LSAMP: variants seen among roughly 807,000 people sequenced by gnomAD.
The protein encoded by LSAMP is limbic system-associated membrane protein.
A neutral mutation model predicts 38.6 loss-of-function variants in LSAMP; 7 were observed. The ratio of observed to expected loss-of-function variants is 0.18; its 90% CI spans 0.10 to 0.34. LSAMP has a LOEUF of 0.34. Among genes scored for constraint, LSAMP ranks in the 10% least tolerant of loss-of-function variants. The pLI, the probability that LSAMP is intolerant of heterozygous loss-of-function variation, is 1.00. For synonymous variants in LSAMP, 154 were observed against 166.8 expected (o/e 0.92, Z 0.59); for missense variants, 313 against 420.0 (o/e 0.75, Z 2.23).
intron 3 of LSAMP, among the ~76,000 whole-genome samples, chr3:115,907,387 C>T (rs1273513196): frequency 6.6e-6 from 1 of 151,528 alleles, no homozygotes; most frequent in Non-Finnish European, 1.5e-5. Flanking sequence ...CTTGTTTGCC[C>T]CATTCCACAA....
chr3:116,242,148 A>G (rs1280850954), intron 1 of LSAMP, among the ~76,000 whole-genome samples: 1 of 152,232 alleles, frequency 6.6e-6, no homozygotes, highest in Non-Finnish European at 1.5e-5. Flanking sequence ...AAAAGAATGA[A>G]GAGTAAAATA....
At chr3:115,957,132 A>T in intron 3 of LSAMP, among the ~76,000 whole-genome samples, 1 of 152,202 alleles carries the variant, frequency 6.6e-6, no homozygotes, top group East Asian at 1.9e-4. Context: ...TGAATAATTT[A>T]TGTAGTAAAG....
At chr3:116,024,811 T>C (rs1940741901) in intron 2 of LSAMP, among the ~76,000 whole-genome samples, 1 of 150,908 alleles carries the variant, frequency 6.6e-6, no homozygotes, top group African/African-American at 2.4e-5. Context: ...ATTATCATTA[T>C]CATTATTACT....
intron 1 of LSAMP, among the ~76,000 whole-genome samples, chr3:116,319,519 C>T (rs910193415): frequency 6.6e-6 from 1 of 152,260 alleles, no homozygotes; most frequent in Admixed American, 6.5e-5. Flanking sequence ...ATACATCAAA[C>T]ACAAACATGA....
At chr3:115,948,124 A>G (rs1938162626) in intron 3 of LSAMP, among the ~76,000 whole-genome samples, 3 of 152,224 alleles carry the variant, frequency 2.0e-5, no homozygotes, top group Non-Finnish European at 4.4e-5. Flanking sequence ...TAAGGTCTAA[A>G]TAATATACAT....
intron 3 of LSAMP, among the ~76,000 whole-genome samples, chr3:115,987,146 GT>G (rs775685866): frequency 2.6e-5 from 4 of 152,146 alleles, no homozygotes; most frequent in Non-Finnish European, 5.9e-5. Context: ...GAAAAAAAAT[GT>G]TTTGTATTTA....
intron 6 of LSAMP, among the ~76,000 whole-genome samples, chr3:115,826,896 A>C (rs1207934052): frequency 6.6e-6 from 1 of 151,640 alleles, no homozygotes; most frequent in Non-Finnish European, 1.5e-5. Flanking sequence ...TTTACGAGTT[A>C]GAATGGGAAG....
chr3:116,076,258 C>CT lies in LSAMP; in HGVS notation c.388+10065dup, dbSNP rs926586167. ...GTCTTTCTTCCCAATAAAATAATAA[C>CT]TTTTTTTTTTTTAATTTGAGACGGA... On this transcript the variant is annotated intron_variant, in intron 2 of 6. Transcript: ENST00000490035. 6.4e-4 allele frequency among the ~76,000 whole-genome samples: 94 copies of CT among 146,626 alleles called. 1 individual carries two copies. In the Middle Eastern group the frequency reaches 0.011, roughly 17 times the overall value.
intron 3 of LSAMP, among the ~76,000 whole-genome samples, chr3:115,972,112 T>C (rs1939038751): frequency 6.6e-6 from 1 of 152,052 alleles, no homozygotes; most frequent in African/African-American, 2.4e-5. Flanking sequence ...GACATCTCCT[T>C]CCATGAACAA....
chr3:116,328,734 G>A (rs138710956), intron 1 of LSAMP, among the ~76,000 whole-genome samples: 61 of 152,042 alleles, frequency 4.0e-4, no homozygotes, highest in Middle Eastern at 3.4e-3. Context: ...GAGAGAGAGA[G>A]GATGCTGTTA....
intron 3 of LSAMP, among the ~76,000 whole-genome samples, chr3:115,933,553 G>A (rs755858708): frequency 6.6e-6 from 1 of 152,170 alleles, no homozygotes; most frequent in African/African-American, 2.4e-5. Flanking sequence ...CCCGTAACAT[G>A]AGCAGGCACC....
chr3:115,925,559 G>A lies in LSAMP; in HGVS notation c.515-72942C>T, dbSNP rs575368813. 2.0e-5 allele frequency among the ~76,000 whole-genome samples: 3 copies of A among 152,200 alleles called. No individual in the cohort carries two copies. In the East Asian group the frequency reaches 5.8e-4, roughly 29 times the overall value. ...TAAGTATTATAAAAATACTATATTT[G>A]ATATTGCAAACTGTATAACAATAAA... On this transcript the variant is annotated intron_variant, in intron 3 of 6. Coordinates refer to ENST00000490035, the MANE Select transcript of LSAMP (RefSeq NM_002338.5).
intron 1 of LSAMP, among the ~76,000 whole-genome samples, chr3:116,140,082 CAAAAT>C: frequency 6.6e-6 from 1 of 152,034 alleles, no homozygotes; most frequent in African/African-American, 2.4e-5. Context: ...TTAGACCTCT[CAAAAT>C]AAGAAATGGT....
intron 1 of LSAMP, among the ~76,000 whole-genome samples, chr3:116,299,840 C>T (rs375395108): frequency 6.6e-6 from 1 of 151,974 alleles, no homozygotes; most frequent in Non-Finnish European, 1.5e-5. Flanking sequence ...TAGCATATCT[C>T]AGGGAACTGA....
At chr3:116,127,695 A>ATTTTTTTTT in intron 1 of LSAMP, among the ~76,000 whole-genome samples, 1 of 96,652 alleles carries the variant, frequency 1.0e-5, no homozygotes, top group East Asian at 3.1e-4. Flanking sequence ...GTGTTTGTTC[A>ATTTTTTTTT]TTTTTTTTTT....
intron 1 of LSAMP, among the ~76,000 whole-genome samples, chr3:116,392,327 G>A (rs1436334652): frequency 2.6e-5 from 4 of 152,208 alleles, no homozygotes; most frequent in African/African-American, 9.6e-5. Context: ...ACAGGCTGGA[G>A]GGTGTCTGCT....
chr3:116,309,526 G>A (rs912519334), intron 1 of LSAMP, among the ~76,000 whole-genome samples: 1 of 152,048 alleles, frequency 6.6e-6, no homozygotes, highest in African/African-American at 2.4e-5. Flanking sequence ...ACTATATGAG[G>A]AAGTGACTTT....
chr3:115,808,844 C>G lies in LSAMP; in HGVS notation c.*1473G>C, dbSNP rs1456498637. 1 of 152,212 alleles carries G rather than the reference C, an allele frequency of 6.6e-6. No homozygotes were observed. Among genetic ancestry groups the G allele is most frequent in the Non-Finnish European group, 1.5e-5 (1 of 68,042 alleles). The allele number at this position is 152,212 out of a possible 1,614,324, so 9.4% of individuals were successfully genotyped here. A position where few individuals can be genotyped will look rare whatever the true frequency, so the allele number is the denominator to read the frequency against. On this transcript the variant is annotated 3_prime_UTR_variant, in exon 7 of 7. Coordinates refer to ENST00000490035, the MANE Select transcript of LSAMP (RefSeq NM_002338.5). ...CTGTATTAGAGCTCTGACAGTATCTCCAGAATACAGTAGGAGCCTGGGCAT... is the reference window on the plus strand; with the variant it reads ...CTGTATTAGAGCTCTGACAGTATCTGCAGAATACAGTAGGAGCCTGGGCAT...
At chr3:116,099,081 C>A (rs909531158) in intron 1 of LSAMP, among the ~76,000 whole-genome samples, 1 of 152,148 alleles carries the variant, frequency 6.6e-6, no homozygotes, top group African/African-American at 2.4e-5. Context: ...AGGCCATCAC[C>A]CCCTTGTACT....
Sources: allele counts gnomAD v4.1 joint callset (sites outside exome capture counted in the v4.1 genomes callset), GRCh38; gene constraint gnomAD v4.1.1; transcripts MANE v1.5; gene names NCBI Gene and HGNC (gene_info 2026-07-23, HGNC 2026-07-21).